Variants in SERINC5 observed in about 807,000 individuals in gnomAD.
SERINC5 encodes serine incorporator 5.
Under a neutral mutation model 63.1 loss-of-function variants are expected in SERINC5, and 41 were observed. The observed-to-expected ratio is 0.65, with a 90% CI of 0.51 to 0.84. The LOEUF is 0.84. Ranked by LOEUF, SERINC5 falls within the 40% of genes least tolerant of loss-of-function variation. The pLI is 0.00. For synonymous variants in SERINC5, 222 were observed against 215.2 expected (o/e 1.03, Z -0.28); for missense variants, 523 against 573.0 (o/e 0.91, Z 0.89).
chr5:80,201,627 C>A (rs940125981), intron 2 of SERINC5, among the ~76,000 whole-genome samples: 1 of 152,198 alleles, frequency 6.6e-6, no homozygotes, highest in Admixed American at 6.5e-5. Flanking sequence ...AGTGTTATTT[C>A]TTGGGCTCTC....
chr5:80,141,987 A>G lies in SERINC5; in HGVS notation c.*1676T>C. 1.0e-6 allele frequency: 1 copy of G among 985,390 alleles called. No homozygotes were observed. The highest frequency in any genetic ancestry group is 1.7e-5 in the African/African-American group (1 of 57,344). 61.0% of individuals were successfully genotyped at this position (985,390 alleles called of 1,614,324 possible). ...AGGAATGAATAGAAAGAATTTCACT[A>G]ATTTCACCCACCAGCATTTTGGCAC... On this transcript the variant is annotated 3_prime_UTR_variant, in exon 12 of 12. Coordinates refer to ENST00000507668, the MANE Select transcript of SERINC5 (RefSeq NM_001174072.3).
At chr5:80,158,440 C>G in intron 8 of SERINC5, 1 of 180,212 alleles carries the variant, frequency 5.5e-6, no homozygotes, top group Non-Finnish European at 1.2e-5. Context: ...AGAAAGCTGC[C>G]AGGACATGCT....
chr5:80,154,941 A>G (rs1288321144), intron 8 of SERINC5, among the ~76,000 whole-genome samples: 1 of 152,178 alleles, frequency 6.6e-6, no homozygotes, highest in African/African-American at 2.4e-5. Flanking sequence ...ACATTACACC[A>G]AGCCATCTGA....
At chr5:80,177,836 CTG>C (rs1748135006) in intron 3 of SERINC5, 48 bp downstream of exon 3, 1 of 1,442,644 alleles carries the variant, frequency 6.9e-7, no homozygotes. Flanking sequence ...GACTACTGTC[CTG>C]AACATAAGAA....
intron 12 of SERINC5, among the ~76,000 whole-genome samples, chr5:80,112,191 C>T (rs1384894262): frequency 6.6e-6 from 1 of 152,246 alleles, no homozygotes. Context: ...TCATACCGAA[C>T]GGAATGTCTC....
chr5:80,124,338 C>T lies in SERINC5; in HGVS notation c.1239-10713G>A, dbSNP rs146188482. 3.4e-3 allele frequency among the ~76,000 whole-genome samples: 523 copies of T among 152,310 alleles called. 3 individuals are homozygous for T. The highest frequency in any genetic ancestry group is 0.012 in the African/African-American group (495 of 41,558). ...CCGTGCCAACAGTCTCAGGGCACGC[C>T]CAAAGTGTTCCCTTTTTTCTACCAC... is the stretch of plus-strand genomic sequence containing the variant. On this transcript the variant is annotated intron_variant, in intron 11 of 12. Transcript: ENST00000509193.
At chr5:80,150,527 C>A (rs1422687213) in intron 9 of SERINC5, among the ~76,000 whole-genome samples, 1 of 152,170 alleles carries the variant, frequency 6.6e-6, no homozygotes, top group Non-Finnish European at 1.5e-5. Flanking sequence ...CCTCTGCCAC[C>A]AGGGTTCAAG....
At chr5:80,233,642 TATAA>T (rs1189746041) in intron 1 of SERINC5, among the ~76,000 whole-genome samples, 4 of 151,764 alleles carry the variant, frequency 2.6e-5, no homozygotes, top group Non-Finnish European at 5.9e-5. Flanking sequence ...GGAAGTATCC[TATAA>T]ATAAATAGGA....
chr5:80,135,796 T>C (rs1745146117), downstream of SERINC5, among the ~76,000 whole-genome samples: 1 of 148,280 alleles, frequency 6.7e-6, no homozygotes, highest in Non-Finnish European at 1.5e-5. Flanking sequence ...AATTGCTACA[T>C]AAAAATAGCA....
In SERINC5 at chr5:80,143,706, A is replaced by C; in HGVS notation, c.1343T>G (p.Leu448Arg). 6.5e-7 allele frequency: 1 copy of C among 1,536,142 alleles called. No individual in the cohort carries two copies. The highest frequency in any genetic ancestry group is 8.7e-7 in the Non-Finnish European group (1 of 1,146,874). Residue 448 changes from leucine (L) to arginine (R), a missense_variant, in exon 12 of 12, where the codon CTG becomes CGG. Leu to Arg is a moderately radical substitution (Grantham distance 102). Transcript: ENST00000507668. ...GGTGGGGCAGCAGAGGGGAGCGACC[A>C]GCGTACACAGGTACAACAGCACGCA... ...WICVLLYLCT[L>R]VAPLCCPTRE...
At chr5:80,200,122 C>T (rs139063281) in intron 2 of SERINC5, among the ~76,000 whole-genome samples, 18,085 of 151,328 alleles carry the variant, frequency 0.12, 1,874 homozygotes, top group East Asian at 0.49. Flanking sequence ...TGTGCCACTG[C>T]ACTCTAGCTT....
At chr5:80,217,561 G>A (rs779614788) in intron 1 of SERINC5, among the ~76,000 whole-genome samples, 4 of 152,210 alleles carry the variant, frequency 2.6e-5, no homozygotes, top group Non-Finnish European at 4.4e-5. Flanking sequence ...GTTTAGCGGC[G>A]AGTGAGCTCT....
At chr5:80,251,232 T>A (rs1752397100) in intron 1 of SERINC5, among the ~76,000 whole-genome samples, 1 of 151,940 alleles carries the variant, frequency 6.6e-6, no homozygotes, top group Non-Finnish European at 1.5e-5. Flanking sequence ...TGAGCTATGA[T>A]TGAGCCACTG....
At chr5:80,218,637 T>C (rs553218033) in intron 1 of SERINC5, among the ~76,000 whole-genome samples, 2 of 150,354 alleles carry the variant, frequency 1.3e-5, no homozygotes, top group African/African-American at 4.9e-5. Context: ...ATCACGCCAT[T>C]GCACTCCAGC....
downstream of SERINC5, among the ~76,000 whole-genome samples, chr5:80,134,853 C>T (rs867263327): frequency 4.6e-5 from 7 of 152,136 alleles, no homozygotes; most frequent in African/African-American, 1.4e-4. Context: ...AGAGAGGGAG[C>T]GTATCTTAAA....
intron 11 of SERINC5, among the ~76,000 whole-genome samples, chr5:80,125,832 G>A (rs758269040): frequency 6.6e-6 from 1 of 152,158 alleles, no homozygotes; most frequent in Admixed American, 6.6e-5. Flanking sequence ...GCAGTGGGTT[G>A]GGTAGGGAGG....
At chr5:80,114,666 A>T (rs1744263545) in intron 11 of SERINC5, 1 of 151,978 alleles carries the variant, frequency 6.6e-6, no homozygotes, top group South Asian at 2.0e-4. Context: ...AAAAAAAAAA[A>T]AAAAAAGGTC....
Position 80,177,405 on chromosome 5 carries a change from TGGGGG to T in SERINC5, c.375-13_375-9del. On this transcript the variant is annotated splice_polypyrimidine_tract_variant and intron_variant, in intron 3 of 11. Transcript: ENST00000507668. ...AGTTTAAAGAACCAAAAGCTAGAAG[TGGGGG>T]GAAAAAAAAGAGGAAATGTATTTAA... 6.2e-7 allele frequency: 1 copy of T among 1,606,902 alleles called. No homozygotes were observed. Among genetic ancestry groups the T allele is most frequent in the Admixed American group, 1.7e-5 (1 of 59,220 alleles).
At chr5:80,238,365 A>T (rs1751800268) in intron 1 of SERINC5, among the ~76,000 whole-genome samples, 1 of 152,176 alleles carries the variant, frequency 6.6e-6, no homozygotes, top group Non-Finnish European at 1.5e-5. Flanking sequence ...CTTTCTGTTA[A>T]ATTCTATCAT....
Sources: allele counts gnomAD v4.1 joint callset (sites outside exome capture counted in the v4.1 genomes callset), GRCh38; gene constraint gnomAD v4.1.1; transcripts MANE v1.5; gene names NCBI Gene and HGNC (gene_info 2026-07-23, HGNC 2026-07-21).